Variants in LRR1 observed in about 807,000 individuals in gnomAD.
LRR1 encodes leucine-rich repeat protein 1.
In LRR1, 29 loss-of-function variants were observed where a neutral mutation model predicts 31.6. The ratio of observed to expected loss-of-function variants is 0.92; its 90% CI spans 0.68 to 1.25. LRR1 has a LOEUF of 1.25. LRR1 is among the 50% of genes most tolerant of loss of function. LRR1 has a pLI of 0.00. For missense variants in LRR1, 485 were observed against 487.2 expected (o/e 1.00, Z 0.04); for synonymous variants, 179 against 181.4 (o/e 0.99, Z 0.10).
chr14:49,609,277 G>A (rs1259828819), intron 3 of LRR1, among the ~76,000 whole-genome samples: 2 of 131,326 alleles, frequency 1.5e-5, no homozygotes, highest in South Asian at 2.4e-4. Flanking sequence ...CCAGGCTCGA[G>A]TGCAGTGGTC....
intron 1 of LRR1, chr14:49,601,724 C>G (rs778255970): frequency 1.4e-5 from 18 of 1,266,084 alleles, no homozygotes; most frequent in Non-Finnish European, 1.9e-5. Flanking sequence ...TCTCTCAAAA[C>G]ATGGTGATCC....
chr14:49,604,260 G>A (rs547939683), intron 2 of LRR1, among the ~76,000 whole-genome samples: 32 of 151,978 alleles, frequency 2.1e-4, no homozygotes, highest in Non-Finnish European at 4.3e-4. Context: ...AGCCAAGATT[G>A]CACCACTGCA....
intron 2 of LRR1, among the ~76,000 whole-genome samples, chr14:49,602,828 T>G (rs1167948371): frequency 4.6e-5 from 7 of 151,944 alleles, no homozygotes; most frequent in African/African-American, 1.7e-4. Flanking sequence ...TGCTTGCTTT[T>G]TTTGTTTGTT....
At chr14:49,599,939 G>T in intron 1 of LRR1, 1 of 1,437,330 alleles carries the variant, frequency 7.0e-7, no homozygotes, top group Non-Finnish European at 9.4e-7. Flanking sequence ...TGAGCCCGGG[G>T]CCGGGGCGGG....
chr14:49,599,330 C>T (rs963413457), intron 1 of LRR1, 127 bp downstream of exon 1: 21 of 1,116,350 alleles, frequency 1.9e-5, no homozygotes, highest in Admixed American at 1.4e-4. Flanking sequence ...TCCTGAACTC[C>T]CAGCCTTGAG....
intron 1 of LRR1, among the ~76,000 whole-genome samples, chr14:49,601,852 G>A (rs1882068500): frequency 6.6e-6 from 1 of 150,704 alleles, no homozygotes; most frequent in Non-Finnish European, 1.5e-5. Flanking sequence ...TTAAAACTTG[G>A]CCACGCGCCG....
chr14:49,601,216 C>A, intron 1 of LRR1: 2 of 1,454,832 alleles, frequency 1.4e-6, no homozygotes, highest in South Asian at 1.3e-5. Context: ...GCTTAATGTG[C>A]TTTCTTAAAA....
chr14:49,612,624 G>A, intron 3 of LRR1: 1 of 1,050,898 alleles, frequency 9.5e-7, no homozygotes, highest in East Asian at 8.4e-5. Context: ...CCGTACCAAA[G>A]GTAACCGCTG....
At chr14:49,610,301 AGTG>A (rs1882464529) in intron 3 of LRR1, among the ~76,000 whole-genome samples, 1 of 15,354 alleles carries the variant, frequency 6.5e-5, no homozygotes, top group Non-Finnish European at 2.2e-4. Flanking sequence ...GCTGGAGTGC[AGTG>A]CGCAAGCGGC....
chr14:49,599,230 G>T (rs1350309664), intron 1 of LRR1, 27 bp downstream of exon 1: 1 of 1,561,220 alleles, frequency 6.4e-7, no homozygotes, highest in East Asian at 2.3e-5. Flanking sequence ...GGCCCTGTCA[G>T]TCTCGCGTTC....
intron 3 of LRR1, among the ~76,000 whole-genome samples, chr14:49,613,709 G>A (rs1882599586): frequency 6.6e-6 from 1 of 152,018 alleles, no homozygotes; most frequent in African/African-American, 2.4e-5. Flanking sequence ...CCAGCTACTT[G>A]GGAGGCTGAG....
intron 3 of LRR1, 138 bp downstream of exon 3, chr14:49,608,259 C>T (rs1882363225): frequency 3.4e-6 from 3 of 875,716 alleles, no homozygotes; most frequent in Non-Finnish European, 4.9e-6. Flanking sequence ...CTTCTTGTTC[C>T]TTACCTCTGC....
rs746764996 is a variant in LRR1 at position 49,614,568 on chromosome 14, A to G, written c.*72A>G. 1.4e-5 allele frequency: 22 copies of G among 1,589,876 alleles called. No homozygotes were observed. Among genetic ancestry groups the G allele is most frequent in the Non-Finnish European group, 1.8e-5 (21 of 1,162,712 alleles). On this transcript the variant is annotated 3_prime_UTR_variant, in exon 4 of 4. Transcript: ENST00000298288. ...TGCATGTATGATTTTGCAGCGTCAA[A>G]TTGGAGTAAGGGAAGATTTCTGTAT...
chr14:49,608,273 G>A (rs568293007), intron 3 of LRR1, 152 bp downstream of exon 3: 1 of 831,086 alleles, frequency 1.2e-6, no homozygotes, highest in Non-Finnish European at 1.7e-6. Context: ...CCTCTGCTTA[G>A]AATGATTTTT....
At chr14:49,603,462 G>GA in intron 2 of LRR1, 1 of 305,978 alleles carries the variant, frequency 3.3e-6, no homozygotes, top group Non-Finnish European at 5.0e-6. Context: ...AATAAAAGAG[G>GA]AAAAAATTCA....
chr14:49,605,161 G>A (rs1329621594), intron 2 of LRR1, among the ~76,000 whole-genome samples: 1 of 152,112 alleles, frequency 6.6e-6, no homozygotes, highest in Non-Finnish European at 1.5e-5. Context: ...TCCCAAAGTG[G>A]TGAAATTACA....
chr14:49,611,507 C>A (rs1375242530), intron 3 of LRR1, among the ~76,000 whole-genome samples: 1 of 152,128 alleles, frequency 6.6e-6, no homozygotes, highest in Non-Finnish European at 1.5e-5. Flanking sequence ...AATAAAATCA[C>A]CAGAGGTGAT....
chr14:49,611,477 ATCAG>A (rs1882510059), intron 3 of LRR1, among the ~76,000 whole-genome samples: 1 of 152,288 alleles, frequency 6.6e-6, no homozygotes, highest in African/African-American at 2.4e-5. Context: ...CTCCGTCTCA[ATCAG>A]TCAATCAGTT....
Position 49,599,859 on chromosome 14 carries a change from G to T in LRR1, c.183+656G>T. ...CCTCCGGCGAGGGGAGTCGCTGCTT[G>T]GGGCCGGGGGGGCGGCCCCGCGGCG... is the stretch of plus-strand genomic sequence containing the variant. On this transcript the variant is annotated intron_variant, in intron 1 of 3. Transcript: ENST00000298288. 1.7e-5 allele frequency: 7 copies of T among 418,232 alleles called. No individual in the cohort carries two copies. The East Asian group carries it at 2.4e-4, about 14-fold the overall frequency. 25.9% of individuals were successfully genotyped at this position (418,232 alleles called of 1,614,324 possible).
Sources: gnomAD v4.1 joint callset for allele counts (sites outside exome capture counted in the v4.1 genomes callset) on GRCh38, gnomAD v4.1.1 for gene constraint, MANE v1.5 for transcripts, NCBI Gene and HGNC (gene_info 2026-07-23, HGNC 2026-07-21) for gene names.